Variants in NTM observed in about 807,000 individuals in gnomAD.
The protein encoded by NTM is IgLON family member 2.
Under a neutral mutation model 42.1 loss-of-function variants are expected in NTM, and 13 were observed. The observed-to-expected ratio is 0.31, with a 90% CI of 0.20 to 0.49. NTM has a LOEUF of 0.49. NTM is among the 20% of genes least tolerant of loss of function. The pLI, the probability that NTM is intolerant of heterozygous loss-of-function variation, is 0.99. For missense variants in NTM, 373 were observed against 452.8 expected (o/e 0.82, Z 1.60); for synonymous variants, 187 against 179.2 (o/e 1.04, Z -0.35).
At chr11:131,724,518 G>A (rs867253822) in intron 1 of NTM, among the ~76,000 whole-genome samples, 2 of 152,066 alleles carry the variant, frequency 1.3e-5, no homozygotes, top group African/African-American at 2.4e-5. Context: ...AAATAAGAAC[G>A]GAAGTGAGGA....
chr11:131,579,113 T>G (rs2137159593), intron 1 of NTM, among the ~76,000 whole-genome samples: 1 of 152,240 alleles, frequency 6.6e-6, no homozygotes, highest in Non-Finnish European at 1.5e-5. Flanking sequence ...GTGTTTGAGA[T>G]CAGGATTGAT....
At chr11:131,419,429 G>A (rs569138677) in intron 1 of NTM, among the ~76,000 whole-genome samples, 1 of 152,308 alleles carries the variant, frequency 6.6e-6, no homozygotes, top group South Asian at 2.1e-4. Context: ...ATGATCCAGA[G>A]AAGGGCTTCT....
chr11:131,819,197 C>T (rs1043052039), intron 1 of NTM, among the ~76,000 whole-genome samples: 11 of 152,100 alleles, frequency 7.2e-5, no homozygotes, highest in Admixed American at 1.3e-4. Context: ...CCCTCTAGTT[C>T]AAAACTTCTC....
chr11:131,754,296 A>G (rs1008543698), intron 1 of NTM, among the ~76,000 whole-genome samples: 1 of 99,134 alleles, frequency 1.0e-5, no homozygotes, highest in Non-Finnish European at 1.9e-5. Context: ...AAAAAAAAAG[A>G]AAAAAGAAAA....
At chr11:132,137,821 G>A (rs1341443585) in intron 2 of NTM, among the ~76,000 whole-genome samples, 5 of 152,236 alleles carry the variant, frequency 3.3e-5, no homozygotes, top group Non-Finnish European at 7.4e-5. Flanking sequence ...CAGAACAACA[G>A]GAGGCCAGAG....
intron 4 of NTM, among the ~76,000 whole-genome samples, chr11:132,293,092 A>G (rs2094504003): frequency 6.6e-6 from 1 of 152,152 alleles, no homozygotes; most frequent in South Asian, 2.1e-4. Flanking sequence ...GTCACAGAGA[A>G]TAGTGGTAGG....
intron 1 of NTM, among the ~76,000 whole-genome samples, chr11:131,421,715 A>G (rs1156432380): frequency 6.6e-6 from 1 of 152,216 alleles, no homozygotes; most frequent in African/African-American, 2.4e-5. Flanking sequence ...TTTTAAACAA[A>G]GCAACTGCTG....
chr11:131,554,880 T>G (rs2055193459), intron 1 of NTM, among the ~76,000 whole-genome samples: 2 of 152,180 alleles, frequency 1.3e-5, no homozygotes, highest in Non-Finnish European at 2.9e-5. Context: ...GGATGGAGGC[T>G]ATTGATGGCA....
intron 1 of NTM, among the ~76,000 whole-genome samples, chr11:131,598,316 G>A (rs1323470441): frequency 6.6e-6 from 1 of 152,224 alleles, no homozygotes; most frequent in African/African-American, 2.4e-5. Flanking sequence ...AGATGGTAAT[G>A]TTCTGGTAAA....
chr11:131,563,873 G>A (rs908034979), intron 1 of NTM, among the ~76,000 whole-genome samples: 2 of 152,002 alleles, frequency 1.3e-5, no homozygotes, highest in East Asian at 3.9e-4. Flanking sequence ...GTTCCCAATG[G>A]CCCCTAGAGC....
chr11:131,704,834 G>C lies in NTM; in HGVS notation c.83-206730G>C, dbSNP rs752600011. ...AAGAACATACTGACTGAACTGAAAAGTTCCATAGAGAACTTCAACAACAGA... is the reference window on the plus strand; with the variant it reads ...AAGAACATACTGACTGAACTGAAAACTTCCATAGAGAACTTCAACAACAGA... On this transcript the variant is annotated intron_variant, in intron 1 of 8. Transcript: ENST00000683400. Among the ~76,000 whole-genome samples, 24 of 152,262 alleles carry C rather than the reference G, an allele frequency of 1.6e-4. 1 individual carries two copies. The highest frequency in any genetic ancestry group is 1.3e-4 in the Admixed American group (2 of 15,308).
intron 2 of NTM, among the ~76,000 whole-genome samples, chr11:131,937,735 C>T (rs2059375321): frequency 6.6e-6 from 1 of 152,134 alleles, no homozygotes; most frequent in East Asian, 1.9e-4. Flanking sequence ...TAATTTTTTA[C>T]TTCTAGTAGA....
chr11:131,783,429 A>G (rs2088552967), intron 1 of NTM, among the ~76,000 whole-genome samples: 2 of 152,166 alleles, frequency 1.3e-5, no homozygotes, highest in South Asian at 4.1e-4. Context: ...ACAAAATTCT[A>G]ATCAAAATCT....
At chr11:132,087,715 C>T (rs997046377) in intron 2 of NTM, among the ~76,000 whole-genome samples, 27 of 151,998 alleles carry the variant, frequency 1.8e-4, no homozygotes, top group Non-Finnish European at 1.9e-4. Flanking sequence ...AGTTAACTCC[C>T]GACAGGGTGG....
intron 1 of NTM, among the ~76,000 whole-genome samples, chr11:131,378,079 T>C (rs1266853324): frequency 6.6e-6 from 1 of 152,164 alleles, no homozygotes; most frequent in African/African-American, 2.4e-5. Flanking sequence ...CTGGGAAACT[T>C]TATAAAAATA....
intron 1 of NTM, among the ~76,000 whole-genome samples, chr11:131,527,225 G>T (rs773027196): frequency 6.6e-6 from 1 of 151,954 alleles, no homozygotes; most frequent in Non-Finnish European, 1.5e-5. Context: ...CATTCCCTTG[G>T]GTCTCCTTAT....
At chr11:131,373,341 G>T (rs1031138559) in intron 1 of NTM, among the ~76,000 whole-genome samples, 2 of 152,086 alleles carry the variant, frequency 1.3e-5, no homozygotes, top group African/African-American at 4.8e-5. Context: ...TTTGTTTTAA[G>T]CTGGTTCTTC....
intron 2 of NTM, among the ~76,000 whole-genome samples, chr11:132,118,944 G>A (rs2064299527): frequency 1.3e-5 from 2 of 152,144 alleles, no homozygotes; most frequent in South Asian, 2.1e-4. Context: ...GGGGCTGGGA[G>A]GGGGAGGAGT....
chr11:131,780,311 GA>G (rs2087832651), intron 1 of NTM, among the ~76,000 whole-genome samples: 1 of 152,182 alleles, frequency 6.6e-6, no homozygotes, highest in Non-Finnish European at 1.5e-5. Flanking sequence ...TCATGAGGCA[GA>G]TCATCCAGGG....
Sources: gnomAD v4.1 joint callset for allele counts (sites outside exome capture counted in the v4.1 genomes callset) on GRCh38, gnomAD v4.1.1 for gene constraint, MANE v1.5 for transcripts, NCBI Gene and HGNC (gene_info 2026-07-23, HGNC 2026-07-21) for gene names.